The following ADGB variants were observed in gnomAD, a reference collection of about 807,000 sequenced individuals.
ADGB encodes the protein androglobin, also known as calpain-7-like protein.
In ADGB, 172 loss-of-function variants were observed where a neutral mutation model predicts 210.5. The observed-to-expected ratio is 0.82, with a 90% CI of 0.72 to 0.93. ADGB has a LOEUF of 0.93. Among genes scored for constraint, ADGB ranks in the 40% least tolerant of loss-of-function variants. The pLI, the probability that ADGB is intolerant of heterozygous loss-of-function variation, is 0.00. For synonymous variants in ADGB, 658 were observed against 662.7 expected (o/e 0.99, Z 0.11); for missense variants, 2,025 against 1,964.8 (o/e 1.03, Z -0.58).
intron 35 of ADGB, among the ~76,000 whole-genome samples, chr6:146,808,252 G>A (rs776663324): frequency 9.2e-5 from 14 of 152,146 alleles, no homozygotes; most frequent in African/African-American, 3.1e-4. Flanking sequence ...TGCGCGCATC[G>A]GCCTCCCAAA....
chr6:146,755,807 T>C (rs1341518076), intron 27 of ADGB, among the ~76,000 whole-genome samples: 2 of 152,086 alleles, frequency 1.3e-5, no homozygotes, highest in African/African-American at 4.8e-5. Flanking sequence ...TTTGCAAAGC[T>C]ATTTCATAAT....
chr6:146,606,279 T>C (rs958059888), intron 1 of ADGB, among the ~76,000 whole-genome samples: 7 of 152,192 alleles, frequency 4.6e-5, no homozygotes, highest in Non-Finnish European at 8.8e-5. Flanking sequence ...AAGTTCCTTA[T>C]AGATTCTAGA....
chr6:146,793,182 C>T (rs770660756), intron 33 of ADGB, among the ~76,000 whole-genome samples: 25 of 151,324 alleles, frequency 1.7e-4, no homozygotes, highest in African/African-American at 5.1e-4. Flanking sequence ...TGATGAGTGG[C>T]GCATTTTACA....
intron 9 of ADGB, among the ~76,000 whole-genome samples, chr6:146,677,529 CA>C (rs1776101484): frequency 6.6e-6 from 1 of 152,004 alleles, no homozygotes; most frequent in Non-Finnish European, 1.5e-5. Flanking sequence ...CATTAAAAAT[CA>C]TTTTCTTATA....
chr6:146,679,389 C>T (rs1265359042), intron 9 of ADGB, among the ~76,000 whole-genome samples: 1 of 152,158 alleles, frequency 6.6e-6, no homozygotes, highest in Non-Finnish European at 1.5e-5. Context: ...CACACACATG[C>T]TTACAGATAC....
intron 29 of ADGB, among the ~76,000 whole-genome samples, chr6:146,773,839 A>G (rs259417): frequency 0.46 from 69,433 of 152,036 alleles, 17,374 homozygotes; most frequent in Admixed American, 0.59. Context: ...AACTGCTAAC[A>G]TTTATGTCCA....
At chr6:146,803,132 A>G in intron 35 of ADGB, 1 of 1,484,140 alleles carries the variant, frequency 6.7e-7, no homozygotes, top group Non-Finnish European at 9.4e-7. Flanking sequence ...AATCTACCAC[A>G]ACGCCAAGAT....
chr6:146,643,981 C>T (rs931311037), intron 2 of ADGB, among the ~76,000 whole-genome samples: 1 of 151,782 alleles, frequency 6.6e-6, no homozygotes, highest in Non-Finnish European at 1.5e-5. Context: ...TATAGACATT[C>T]AGTATAAAAT....
Position 146,740,545 on chromosome 6 carries a change from C to T in ADGB, c.2975C>T (p.Thr992Ile), listed in dbSNP as rs1276406147. The change falls in exon 24 of 36, where the codon ACT (threonine) becomes ATT (isoleucine). Residue 992 changes from threonine (T) to isoleucine (I), a missense_variant. Coordinates refer to ENST00000397944, the MANE Select transcript of ADGB (RefSeq NM_024694.4). ...EETKIAFADY[T>I]VTYQEQPPNS... is the part of the protein sequence containing the mutation. ...ACTAAGATTGCTTTTGCAGATTATACTGTGACTTATCAAGAACAGCCACCA... is the reference window on the plus strand; with the variant it reads ...ACTAAGATTGCTTTTGCAGATTATATTGTGACTTATCAAGAACAGCCACCA... 1.9e-6 allele frequency: 3 copies of T among 1,550,856 alleles called. No individual in the cohort carries two copies. Among genetic ancestry groups the T allele is most frequent in the Non-Finnish European group, 2.6e-6 (3 of 1,146,554 alleles).
At chr6:146,797,142 A>G (rs1040200839) in intron 33 of ADGB, among the ~76,000 whole-genome samples, 1 of 152,174 alleles carries the variant, frequency 6.6e-6, no homozygotes, top group Non-Finnish European at 1.5e-5. Flanking sequence ...CAAAACCACA[A>G]TGTGATACTA....
At chr6:146,740,848 G>A (rs889043441) in intron 24 of ADGB, among the ~76,000 whole-genome samples, 2 of 151,980 alleles carry the variant, frequency 1.3e-5, no homozygotes, top group African/African-American at 2.4e-5. Flanking sequence ...AAATTAATAT[G>A]CTTTTAGTAT....
chr6:146,706,329 G>A (rs968097530), intron 13 of ADGB, among the ~76,000 whole-genome samples: 8 of 150,742 alleles, frequency 5.3e-5, no homozygotes, highest in East Asian at 1.9e-4. Context: ...GCACAATCTC[G>A]GGTCACTGCA....
intron 1 of ADGB, among the ~76,000 whole-genome samples, chr6:146,625,205 T>C (rs1215815638): frequency 6.6e-6 from 1 of 152,074 alleles, no homozygotes. Flanking sequence ...TGCCTGTTGA[T>C]TGTTGTACTT....
chr6:146,639,076 C>A, intron 2 of ADGB: 1 of 156,706 alleles, frequency 6.4e-6, no homozygotes. Context: ...GTGGCATCAC[C>A]AGAACATGGG....
chr6:146,803,240 T>C, intron 35 of ADGB: 1 of 1,567,174 alleles, frequency 6.4e-7, no homozygotes, highest in South Asian at 1.1e-5. Flanking sequence ...TGAACAAAAC[T>C]TGGACCATTG....
chr6:146,678,419 G>A (rs1205873493), intron 9 of ADGB, among the ~76,000 whole-genome samples: 1 of 152,118 alleles, frequency 6.6e-6, no homozygotes, highest in Non-Finnish European at 1.5e-5. Context: ...TAGAGACAGA[G>A]CTTCATCATG....
At position 146,715,489 on chromosome 6, in the gene ADGB, G is replaced by C. The variant is rs1040827726; in HGVS notation, c.1741+74G>C. The C allele has an allele frequency of 1.5e-5, 16 of 1,051,662 alleles. No homozygotes were observed. In the South Asian group the frequency reaches 2.1e-4, roughly 14 times the overall value. 65.1% of individuals were successfully genotyped at this position (1,051,662 alleles called of 1,614,324 possible). A position where few individuals can be genotyped will look rare whatever the true frequency, so the allele number is the denominator to read the frequency against. ...AGAGGGGCATCTCTGCTTCTTGACA[G>C]CTTCCCTTCTGGCTCTCAGCAGCCT... On this transcript the variant is annotated intron_variant, in intron 14 of 35. Coordinates refer to ENST00000397944, the MANE Select transcript of ADGB (RefSeq NM_024694.4).
chr6:146,766,066 TA>T (rs958197459), intron 28 of ADGB, among the ~76,000 whole-genome samples: 1 of 151,764 alleles, frequency 6.6e-6, no homozygotes, highest in African/African-American at 2.4e-5. Context: ...GACAATGGGT[TA>T]AAAAAATAAG....
chr6:146,806,536 T>C (rs1459423811), intron 35 of ADGB, among the ~76,000 whole-genome samples: 1 of 152,192 alleles, frequency 6.6e-6, no homozygotes, highest in Non-Finnish European at 1.5e-5. Context: ...TCGGGAATTC[T>C]GATTCTGACA....
Sources: gnomAD v4.1 joint callset for allele counts (sites outside exome capture counted in the v4.1 genomes callset) on GRCh38, gnomAD v4.1.1 for gene constraint, MANE v1.5 for transcripts, NCBI Gene and HGNC (gene_info 2026-07-23, HGNC 2026-07-21) for gene names.